ABLIM1: variants seen among roughly 807,000 people sequenced by gnomAD.
ABLIM1 encodes actin binding LIM protein 1.
Under a neutral mutation model 107.0 loss-of-function variants are expected in ABLIM1, and 40 were observed. That is an observed-to-expected ratio of 0.37 (90% CI 0.29 to 0.49). The LOEUF is 0.49. Among genes scored for constraint, ABLIM1 ranks in the 20% least tolerant of loss-of-function variants. The pLI is 0.97. For synonymous variants in ABLIM1, 357 were observed against 357.3 expected (o/e 1.00, Z 0.01); for missense variants, 857 against 1,008.5 (o/e 0.85, Z 2.04).
chr10:114,491,012 G>GTGTGTA, intron 7 of ABLIM1, among the ~76,000 whole-genome samples: 1 of 92,396 alleles, frequency 1.1e-5, no homozygotes, highest in African/African-American at 4.6e-5. Flanking sequence ...GTGTGTGTGT[G>GTGTGTA]TATATATATA....
At chr10:114,541,567 A>G (rs1010232302) in intron 6 of ABLIM1, among the ~76,000 whole-genome samples, 1 of 152,088 alleles carries the variant, frequency 6.6e-6, no homozygotes, top group Non-Finnish European at 1.5e-5. Context: ...CAGTGTGATA[A>G]CCCTGCAGGA....
intron 8 of ABLIM1, among the ~76,000 whole-genome samples, chr10:114,476,361 G>A (rs2134134745): frequency 6.6e-6 from 1 of 152,280 alleles, no homozygotes; most frequent in Non-Finnish European, 1.5e-5. Flanking sequence ...AAATGTGCAG[G>A]CTGGGCGCAG....
At chr10:114,505,106 C>T (rs2060948846) in intron 6 of ABLIM1, among the ~76,000 whole-genome samples, 1 of 152,166 alleles carries the variant, frequency 6.6e-6, no homozygotes. Flanking sequence ...ATTAAGTCGG[C>T]TGGTGCTGCT....
chr10:114,507,847 T>G (rs78933485), intron 6 of ABLIM1, among the ~76,000 whole-genome samples: 1,642 of 152,300 alleles, frequency 0.011, 33 homozygotes, highest in African/African-American at 0.038. Flanking sequence ...CCTAGGCTGA[T>G]GAAAAGTCTG....
chr10:114,727,905 A>T (rs2081993727), intron 1 of ABLIM1, among the ~76,000 whole-genome samples: 1 of 152,238 alleles, frequency 6.6e-6, no homozygotes, highest in Non-Finnish European at 1.5e-5. Context: ...AGCCTGGGCA[A>T]CAGAGCAAGA....
intron 6 of ABLIM1, among the ~76,000 whole-genome samples, chr10:114,534,143 C>T (rs545164959): frequency 3.9e-5 from 6 of 152,244 alleles, no homozygotes; most frequent in Admixed American, 2.6e-4. Flanking sequence ...ATGATCACCC[C>T]TTTTATGTCT....
chr10:114,640,957 A>T (rs1361844614), intron 1 of ABLIM1, among the ~76,000 whole-genome samples: 5 of 152,136 alleles, frequency 3.3e-5, no homozygotes, highest in Non-Finnish European at 7.4e-5. Context: ...GGGTGAGAAT[A>T]ACAGGTGTTC....
rs182485444 is a variant in ABLIM1, at chr10:114,731,885, C to T, written c.-213+36176G>A. Among the ~76,000 whole-genome samples, 183 of 152,294 alleles carry T rather than the reference C, an allele frequency of 1.2e-3. 3 individuals are homozygous for T. The highest frequency in any genetic ancestry group is 4.1e-3 in the African/African-American group (171 of 41,584). ...TCGGCCTCCCAAAGTGCTGGGATTA[C>T]AGGCGTGAGCCACCACGCCTAGTGC... is the stretch of plus-strand genomic sequence containing the variant. On this transcript the variant is annotated intron_variant, in intron 1 of 15. Transcript: ENST00000651092.
At chr10:114,617,409 G>A (rs1054648929) in intron 1 of ABLIM1, among the ~76,000 whole-genome samples, 66 of 151,866 alleles carry the variant, frequency 4.3e-4, no homozygotes, top group African/African-American at 1.4e-3. Flanking sequence ...TTACAGGTGC[G>A]TGCCAACACG....
intron 4 of ABLIM1, among the ~76,000 whole-genome samples, chr10:114,560,928 G>T (rs994560561): frequency 6.6e-6 from 1 of 152,092 alleles, no homozygotes; most frequent in African/African-American, 2.4e-5. Context: ...TTTCTTTTGG[G>T]GTGATGAAAA....
intron 12 of ABLIM1, among the ~76,000 whole-genome samples, chr10:114,457,712 G>C (rs7098725): frequency 9.2e-5 from 14 of 151,978 alleles, no homozygotes; most frequent in Non-Finnish European, 1.9e-4. Flanking sequence ...ATATTTGGAA[G>C]ATATCATTAT....
At position 114,465,736 on chromosome 10, in the gene ABLIM1, G is replaced by GGAGTGT; in HGVS notation, c.1397_1402dup (p.Thr467_Pro468insHisThr). 1 of 1,614,164 alleles carries GGAGTGT rather than the reference G, an allele frequency of 6.2e-7. No individual in the cohort carries two copies. Among genetic ancestry groups the GGAGTGT allele is most frequent in the Non-Finnish European group, 8.5e-7 (1 of 1,180,030 alleles). On this transcript the variant is annotated inframe_insertion, in exon 12 of 23. Transcript: ENST00000533213. ...ATGCTGGGGAGAGCGGGACGTGGTT[G>GGAGTGT]GAGTGTAGCTGTGGCGGCTGTACAC... is the stretch of plus-strand genomic sequence containing the variant.
At chr10:114,613,804 A>G (rs2076966566) in intron 1 of ABLIM1, 1 of 1,220,612 alleles carries the variant, frequency 8.2e-7, no homozygotes, top group Non-Finnish European at 1.1e-6. Flanking sequence ...CTCCTCCCAG[A>G]CCTGAACTTC....
At chr10:114,536,246 TTTTTTTTTTTTTTTTTTTG>T (rs1239064911) in intron 6 of ABLIM1, among the ~76,000 whole-genome samples, 44 of 77,784 alleles carry the variant, frequency 5.7e-4, no homozygotes, top group East Asian at 1.4e-3. Flanking sequence ...TTTTTTTTTT[TTTTTTTTTTTTTTTTTTTG>T]AGATGGAGTC....
chr10:114,659,365 A>G (rs1412922670), upstream of ABLIM1, among the ~76,000 whole-genome samples: 23 of 151,782 alleles, frequency 1.5e-4, no homozygotes, highest in Non-Finnish European at 5.9e-5. Flanking sequence ...AAAAATTAAA[A>G]CATTGGCCAA....
At chr10:114,565,935 T>C (rs944659645) in intron 4 of ABLIM1, among the ~76,000 whole-genome samples, 5 of 151,680 alleles carry the variant, frequency 3.3e-5, no homozygotes, top group Admixed American at 1.3e-4. Context: ...GCTGGGACTA[T>C]AGGCGCCCGC....
chr10:114,461,847 T>C (rs1159742928), intron 12 of ABLIM1, among the ~76,000 whole-genome samples: 1 of 151,868 alleles, frequency 6.6e-6, no homozygotes, highest in Non-Finnish European at 1.5e-5. Flanking sequence ...AAAAATAAAA[T>C]AAAGTAAAAT....
intron 13 of ABLIM1, among the ~76,000 whole-genome samples, chr10:114,452,417 CCA>C (rs2062050945): frequency 6.6e-6 from 1 of 151,190 alleles, no homozygotes; most frequent in South Asian, 2.1e-4. Context: ...GTGAAAAATC[CCA>C]GATATAGAAC....
At chr10:114,568,369 T>G (rs533939627) in intron 4 of ABLIM1, among the ~76,000 whole-genome samples, 2 of 152,162 alleles carry the variant, frequency 1.3e-5, no homozygotes, top group Non-Finnish European at 2.9e-5. Context: ...CTGCACGTCC[T>G]GCACATGTAC....
Sources: gnomAD v4.1 joint callset for allele counts (sites outside exome capture counted in the v4.1 genomes callset) on GRCh38, gnomAD v4.1.1 for gene constraint, MANE v1.5 for transcripts, NCBI Gene and HGNC (gene_info 2026-07-23, HGNC 2026-07-21) for gene names.